Variants in ZCWPW2 observed in about 807,000 individuals in gnomAD.
ZCWPW2 encodes the protein zinc finger CW-type and PWWP domain containing 2, also known as zinc finger CW-type PWWP domain protein 2.
In ZCWPW2, 45 loss-of-function variants were observed where a neutral mutation model predicts 46.6. That is an observed-to-expected ratio of 0.96 (90% CI 0.76 to 1.24). ZCWPW2 has a LOEUF of 1.24. Among genes scored for constraint, ZCWPW2 ranks in the 50% most tolerant of loss-of-function variants. ZCWPW2 has a pLI of 0.00. For synonymous variants in ZCWPW2, 152 were observed against 137.1 expected (o/e 1.11, Z -0.76); for missense variants, 429 against 403.9 (o/e 1.06, Z -0.53).
chr3:28,503,074 T>C (rs1017722033), intron 6 of ZCWPW2, among the ~76,000 whole-genome samples: 1 of 152,178 alleles, frequency 6.6e-6, no homozygotes, highest in Admixed American at 6.6e-5. Flanking sequence ...ATTAATTTAC[T>C]TGGAATTTGA....
intron 7 of ZCWPW2, 137 bp from the exon 8 acceptor site, chr3:28,515,417 C>A: frequency 2.9e-6 from 2 of 693,626 alleles, no homozygotes; most frequent in Non-Finnish European, 4.8e-6. Flanking sequence ...TTTGTTACTA[C>A]ATAAAACAAC....
intron 5 of ZCWPW2, among the ~76,000 whole-genome samples, chr3:28,490,290 T>A (rs917473562): frequency 1.3e-5 from 2 of 152,094 alleles, no homozygotes; most frequent in African/African-American, 4.8e-5. Flanking sequence ...AACAGAACCA[T>A]CATTTGACCC....
At chr3:28,448,755 A>G (rs1396836083) in intron 4 of ZCWPW2, among the ~76,000 whole-genome samples, 2 of 117,930 alleles carry the variant, frequency 1.7e-5, no homozygotes, top group African/African-American at 6.2e-5. Flanking sequence ...ACTACACTCC[A>G]GCCTGGGCTA....
intron 2 of ZCWPW2, among the ~76,000 whole-genome samples, chr3:28,409,122 C>CTTTTTTTTTTTT (rs11328735): frequency 1.2e-5 from 1 of 82,318 alleles, no homozygotes; most frequent in Admixed American, 1.5e-4. Context: ...TTTTCTTTTT[C>CTTTTTTTTTTTT]TTTTTTTTTT....
intron 5 of ZCWPW2, among the ~76,000 whole-genome samples, chr3:28,489,119 T>G (rs1394040477): frequency 1.3e-5 from 2 of 152,152 alleles, no homozygotes; most frequent in Non-Finnish European, 2.9e-5. Flanking sequence ...TTTATTGCCT[T>G]GTTAGAAAAT....
At chr3:28,405,450 C>T (rs1421670325) in intron 2 of ZCWPW2, among the ~76,000 whole-genome samples, 1 of 152,048 alleles carries the variant, frequency 6.6e-6, no homozygotes, top group Non-Finnish European at 1.5e-5. Flanking sequence ...AAAAAGCGTA[C>T]ATTGCTGTAA....
In ZCWPW2 at chr3:28,480,756, A is replaced by G. The variant is rs190082137; in HGVS notation, c.610+1825A>G. On this transcript the variant is annotated intron_variant, in intron 5 of 9. Transcript: ENST00000383768. ...GAATCCATCTTCAGTTAATTTTTGT[A>G]TATGGTATAAGGAAGTGGGGCAGGG... Among the ~76,000 whole-genome samples, 549 of 151,814 alleles carry G rather than the reference A, an allele frequency of 3.6e-3. 5 individuals are homozygous for G. Among genetic ancestry groups the G allele is most frequent in the African/African-American group, 0.013 (537 of 41,350 alleles).
intron 1 of ZCWPW2, among the ~76,000 whole-genome samples, chr3:28,357,409 G>A (rs2125690127): frequency 6.6e-6 from 1 of 152,270 alleles, no homozygotes; most frequent in Non-Finnish European, 1.5e-5. Flanking sequence ...GGCTGCCCAT[G>A]TATTTGGTTA....
At chr3:28,447,652 C>T in intron 4 of ZCWPW2, 1 of 356,628 alleles carries the variant, frequency 2.8e-6, no homozygotes, top group Non-Finnish European at 5.5e-6. Context: ...AAAGTTCTAG[C>T]CAGAGCAATT....
At chr3:28,504,890 T>C (rs917357803) in intron 6 of ZCWPW2, among the ~76,000 whole-genome samples, 8 of 152,220 alleles carry the variant, frequency 5.3e-5, no homozygotes, top group Non-Finnish European at 1.2e-4. Flanking sequence ...TTAAACTCTT[T>C]ATAATTATAA....
intron 3 of ZCWPW2, among the ~76,000 whole-genome samples, chr3:28,417,172 A>G (rs139828696): frequency 1.3e-5 from 2 of 151,964 alleles, no homozygotes; most frequent in Non-Finnish European, 2.9e-5. Flanking sequence ...AGAAGAAAAG[A>G]CAAAGGGGAT....
At chr3:28,374,943 A>G (rs1374164182) in intron 1 of ZCWPW2, among the ~76,000 whole-genome samples, 1 of 151,492 alleles carries the variant, frequency 6.6e-6, no homozygotes, top group African/African-American at 2.4e-5. Context: ...CTATTATTAT[A>G]TTACGGTCTC....
intron 1 of ZCWPW2, among the ~76,000 whole-genome samples, chr3:28,369,786 G>A (rs1397636414): frequency 6.6e-6 from 1 of 152,330 alleles, no homozygotes; most frequent in Non-Finnish European, 1.5e-5. Flanking sequence ...AGGCCTCCTT[G>A]AGCTGAGGTG....
At chr3:28,497,398 T>C (rs182800007) in intron 6 of ZCWPW2, among the ~76,000 whole-genome samples, 1 of 152,058 alleles carries the variant, frequency 6.6e-6, no homozygotes, top group Non-Finnish European at 1.5e-5. Context: ...CCATAGTAGA[T>C]GTATCAAAGT....
Position 28,432,113 on chromosome 3 carries a change from G to GAATT in ZCWPW2, c.333-2997_333-2996insAATT, listed in dbSNP as rs2125760011. Among the ~76,000 whole-genome samples the GAATT allele has an allele frequency of 2.0e-5, 3 of 152,228 alleles. No homozygotes were observed. In the East Asian group the frequency reaches 5.8e-4, roughly 29 times the overall value. On this transcript the variant is annotated intron_variant, in intron 3 of 9. Coordinates refer to ENST00000383768, the MANE Select transcript of ZCWPW2 (RefSeq NM_001040432.4). ...CCTCCTACAACATGTGGGGATTATG[G>GAATT]GAATTACAATTCAAGATGAGATTTG...
intron 6 of ZCWPW2, 63 bp downstream of exon 6, chr3:28,492,236 A>G (rs1699835938): frequency 2.2e-6 from 3 of 1,373,222 alleles, no homozygotes; most frequent in Non-Finnish European, 2.9e-6. Context: ...ACTATTCTTT[A>G]AAGAAAATTA....
intron 2 of ZCWPW2, among the ~76,000 whole-genome samples, chr3:28,407,899 A>G (rs1232576601): frequency 6.6e-6 from 1 of 152,170 alleles, no homozygotes; most frequent in Non-Finnish European, 1.5e-5. Flanking sequence ...CATTCTTGTG[A>G]ACACATTCAC....
In ZCWPW2 at chr3:28,380,958, A is replaced by ACAGAAAAG. The variant is rs1159353019; in HGVS notation, c.-133-9540_-133-9539insCAGAAAAG. ...GGTATATATATATATATATATATAT[A>ACAGAAAAG]TATATATATATATTTGGTATATATA... On this transcript the variant is annotated intron_variant, in intron 1 of 9. Coordinates refer to ENST00000383768, the MANE Select transcript of ZCWPW2 (RefSeq NM_001040432.4). 5.5e-3 allele frequency among the ~76,000 whole-genome samples: 226 copies of ACAGAAAAG among 40,766 alleles called. 30 individuals are homozygous for ACAGAAAAG. Among genetic ancestry groups the ACAGAAAAG allele is most frequent in the Middle Eastern group, 0.025 (2 of 80 alleles). The allele number at this position is 40,766 out of a possible 152,430, so 26.7% of individuals were successfully genotyped here. A position where few individuals can be genotyped will look rare whatever the true frequency, so the allele number is the denominator to read the frequency against.
intron 4 of ZCWPW2, among the ~76,000 whole-genome samples, chr3:28,436,411 A>G (rs1697501320): frequency 7.2e-6 from 1 of 138,818 alleles, no homozygotes; most frequent in Non-Finnish European, 1.5e-5. Context: ...AGTTAAGTCT[A>G]CAAGCAGACA....
Sources: gnomAD v4.1 joint callset for allele counts (sites outside exome capture counted in the v4.1 genomes callset) on GRCh38, gnomAD v4.1.1 for gene constraint, MANE v1.5 for transcripts, NCBI Gene and HGNC (gene_info 2026-07-23, HGNC 2026-07-21) for gene names.